Variants in GAS2 observed in about 807,000 individuals in gnomAD.
GAS2 encodes the protein growth arrest specific 2.
In GAS2, 20 loss-of-function variants were observed where a neutral mutation model predicts 37.5. The observed-to-expected ratio is 0.53, with a 90% CI of 0.37 to 0.77. The LOEUF (loss-of-function observed/expected upper bound fraction) is 0.77. GAS2 is among the 30% of genes least tolerant of loss of function. GAS2 has a pLI of 0.00. For missense variants in GAS2, 336 were observed against 373.4 expected (o/e 0.90, Z 0.82); for synonymous variants, 144 against 132.2 (o/e 1.09, Z -0.61).
chr11:22,726,539 T>C (rs1439336032), intron 4 of GAS2, 106 bp downstream of exon 4: 2 of 898,804 alleles, frequency 2.2e-6, no homozygotes, highest in Admixed American at 2.6e-5. Flanking sequence ...TTTTGCAGAT[T>C]ATTAGCTTAA....
chr11:22,760,689 A>G (rs982383651), intron 7 of GAS2, among the ~76,000 whole-genome samples: 15 of 152,224 alleles, frequency 9.9e-5, no homozygotes, highest in African/African-American at 3.6e-4. Context: ...CTGTGTAGAA[A>G]TGATTAGGAT....
intron 1 of GAS2, among the ~76,000 whole-genome samples, chr11:22,641,496 C>T (rs529304652): frequency 1.3e-5 from 2 of 150,950 alleles, no homozygotes; most frequent in South Asian, 2.1e-4. Context: ...ATCCCTCCCC[C>T]CCACACACCC....
At chr11:22,735,176 C>A (rs1287592420) in intron 4 of GAS2, among the ~76,000 whole-genome samples, 1 of 148,450 alleles carries the variant, frequency 6.7e-6, no homozygotes, top group Admixed American at 6.8e-5. Context: ...TTAAGTTATG[C>A]AACTCTACAG....
intron 3 of GAS2, among the ~76,000 whole-genome samples, chr11:22,703,645 G>A (rs1850957464): frequency 6.6e-6 from 1 of 152,178 alleles, no homozygotes; most frequent in Non-Finnish European, 1.5e-5. Flanking sequence ...ATTTATGTGT[G>A]TGTGGTCCAA....
chr11:22,740,339 T>C (rs1222624833), intron 5 of GAS2, among the ~76,000 whole-genome samples: 1 of 152,224 alleles, frequency 6.6e-6, no homozygotes, highest in Non-Finnish European at 1.5e-5. Context: ...AACTATATTA[T>C]GGATTTTACA....
intron 1 of GAS2, among the ~76,000 whole-genome samples, chr11:22,632,846 G>A (rs1266246256): frequency 6.6e-6 from 1 of 150,614 alleles, no homozygotes; most frequent in Non-Finnish European, 1.5e-5. Context: ...CTAGTCTAAT[G>A]TTAAAACTTT....
At chr11:22,678,589 GT>G (rs34144110) in intron 2 of GAS2, among the ~76,000 whole-genome samples, 55,844 of 151,698 alleles carry the variant, frequency 0.37, 11,267 homozygotes, top group African/African-American at 0.55. Context: ...AGGATTTGCT[GT>G]TGTGCAAATT....
chr11:22,778,506 T>C (rs147352902), intron 7 of GAS2, among the ~76,000 whole-genome samples: 1 of 152,326 alleles, frequency 6.6e-6, no homozygotes, highest in African/African-American at 2.4e-5. Context: ...CTTGAAGAGA[T>C]GGCCTCTCCA....
At chr11:22,762,396 G>A (rs1854439544) in intron 7 of GAS2, among the ~76,000 whole-genome samples, 2 of 151,856 alleles carry the variant, frequency 1.3e-5, no homozygotes. Context: ...TTTTATTACA[G>A]GTGAAAAAAT....
intron 7 of GAS2, among the ~76,000 whole-genome samples, chr11:22,764,156 TGAGA>T (rs1389121043): frequency 6.6e-6 from 1 of 152,204 alleles, no homozygotes; most frequent in South Asian, 2.1e-4. Context: ...TGTTTTTTTC[TGAGA>T]GTTATCCTTT....
chr11:22,809,794 A>G lies in GAS2; in HGVS notation c.724-2004A>G, dbSNP rs1365329174. ...CAGGCATGAGCCACCACGCCCGACCATATTTATTTTTAAAAGTAAATATTA... is the reference window on the plus strand; with the variant it reads ...CAGGCATGAGCCACCACGCCCGACCGTATTTATTTTTAAAAGTAAATATTA... On this transcript the variant is annotated intron_variant, in intron 7 of 7. Transcript: ENST00000454584. 2.0e-5 allele frequency among the ~76,000 whole-genome samples: 3 copies of G among 151,932 alleles called. No individual in the cohort carries two copies. In the East Asian group the frequency reaches 5.8e-4, roughly 29 times the overall value.
chr11:22,626,033 G>A (rs2133799330), intron 1 of GAS2: 2 of 608,862 alleles, frequency 3.3e-6, no homozygotes, highest in Non-Finnish European at 5.9e-6. Context: ...TGGAGGGAGA[G>A]CAGATGTAGG....
intron 1 of GAS2, among the ~76,000 whole-genome samples, chr11:22,648,289 G>A (rs1292609224): frequency 2.0e-5 from 3 of 152,098 alleles, no homozygotes; most frequent in Admixed American, 2.0e-4. Flanking sequence ...CTATATCTCT[G>A]TTTTGGTACC....
intron 1 of GAS2, among the ~76,000 whole-genome samples, chr11:22,639,003 C>A (rs1208509115): frequency 6.6e-6 from 1 of 151,988 alleles, no homozygotes; most frequent in Non-Finnish European, 1.5e-5. Context: ...AAGGGTAGGT[C>A]TTTTTATATA....
intron 4 of GAS2, among the ~76,000 whole-genome samples, chr11:22,727,342 A>T (rs191427703): frequency 6.6e-6 from 1 of 152,224 alleles, no homozygotes; most frequent in Non-Finnish European, 1.5e-5. Flanking sequence ...AAATATTAAT[A>T]TCAAAGTAAG....
At chr11:22,736,467 C>A (rs1458232692) in intron 4 of GAS2, among the ~76,000 whole-genome samples, 3 of 151,880 alleles carry the variant, frequency 2.0e-5, no homozygotes, top group Non-Finnish European at 2.9e-5. Context: ...CTTTAAAATG[C>A]CACTTTATAA....
chr11:22,637,189 ATAT>A (rs1481876052), intron 1 of GAS2, among the ~76,000 whole-genome samples: 4 of 123,072 alleles, frequency 3.3e-5, no homozygotes, highest in South Asian at 2.4e-4. Context: ...ACTTATGTTA[ATAT>A]TATATTAATA....
At chr11:22,650,657 C>T (rs1462835401) in intron 1 of GAS2, among the ~76,000 whole-genome samples, 2 of 151,222 alleles carry the variant, frequency 1.3e-5, no homozygotes, top group African/African-American at 4.9e-5. Flanking sequence ...GAATTGATCC[C>T]TTTACCATTA....
intron 7 of GAS2, among the ~76,000 whole-genome samples, chr11:22,804,629 T>TGAGAGTA (rs914894997): frequency 4.6e-5 from 7 of 152,030 alleles, no homozygotes; most frequent in Non-Finnish European, 7.4e-5. Context: ...TGGAAATTAA[T>TGAGAGTA]GAGAGTTAGA....
Sources: gnomAD v4.1 joint callset for allele counts (sites outside exome capture counted in the v4.1 genomes callset) on GRCh38, gnomAD v4.1.1 for gene constraint, MANE v1.5 for transcripts, NCBI Gene and HGNC (gene_info 2026-07-23, HGNC 2026-07-21) for gene names.